Variants in AFG1L observed in about 807,000 individuals in gnomAD.
AFG1L encodes AFG1 like ATPase.
AFG1L carries 53 observed loss-of-function variants against 62.2 expected under a neutral mutation model. The observed-to-expected ratio is 0.85, with a 90% CI of 0.68 to 1.07. The LOEUF is 1.07. Ranked by LOEUF, AFG1L falls within the 50% of genes least tolerant of loss-of-function variation. The pLI is 0.00. For missense variants in AFG1L, 555 were observed against 590.5 expected (o/e 0.94, Z 0.62); for synonymous variants, 228 against 210.3 (o/e 1.08, Z -0.73).
At chr6:108,484,780 G>T (rs1411355125) in intron 10 of AFG1L, among the ~76,000 whole-genome samples, 1 of 152,130 alleles carries the variant, frequency 6.6e-6, no homozygotes, top group East Asian at 1.9e-4. Flanking sequence ...CTTCTTATAT[G>T]AATTTATTTT....
intron 5 of AFG1L, among the ~76,000 whole-genome samples, chr6:108,357,075 G>A (rs769036580): frequency 1.3e-5 from 2 of 151,744 alleles, no homozygotes; most frequent in South Asian, 2.1e-4. Flanking sequence ...ACACATGCAC[G>A]TGCACACACA....
chr6:108,423,949 T>C (rs975080628), intron 7 of AFG1L, among the ~76,000 whole-genome samples: 1 of 152,138 alleles, frequency 6.6e-6, no homozygotes, highest in Non-Finnish European at 1.5e-5. Context: ...AACTCTGACA[T>C]ACTGTTTAAA....
chr6:108,436,039 T>C (rs545695773), intron 7 of AFG1L, among the ~76,000 whole-genome samples: 5 of 152,310 alleles, frequency 3.3e-5, no homozygotes, highest in Admixed American at 3.3e-4. Context: ...CAAATCTGTC[T>C]CTACAATCTC....
intron 6 of AFG1L, among the ~76,000 whole-genome samples, chr6:108,366,806 A>G (rs1752101382): frequency 6.6e-6 from 1 of 152,224 alleles, no homozygotes; most frequent in African/African-American, 2.4e-5. Context: ...AAAAATTAAA[A>G]TACAAGTAAT....
chr6:108,412,246 C>T (rs1782152261), intron 7 of AFG1L, among the ~76,000 whole-genome samples: 1 of 152,118 alleles, frequency 6.6e-6, no homozygotes, highest in Non-Finnish European at 1.5e-5. Context: ...ACAAAGCCTC[C>T]AAGAAATATG....
At chr6:108,446,919 A>C (rs751989706) in intron 7 of AFG1L, among the ~76,000 whole-genome samples, 1 of 152,178 alleles carries the variant, frequency 6.6e-6, no homozygotes, top group Non-Finnish European at 1.5e-5. Flanking sequence ...TATTTTAAAA[A>C]AAACCCAGAT....
At chr6:108,503,595 G>A (rs1774288222) in intron 10 of AFG1L, among the ~76,000 whole-genome samples, 1 of 152,202 alleles carries the variant, frequency 6.6e-6, no homozygotes, top group Admixed American at 6.5e-5. Flanking sequence ...CACAGGCAGA[G>A]TAGATTTAGC....
chr6:108,399,201 T>G (rs1582517458), intron 6 of AFG1L, among the ~76,000 whole-genome samples: 1 of 138,086 alleles, frequency 7.2e-6, no homozygotes, highest in South Asian at 2.4e-4. Context: ...TTTTTTTTTT[T>G]TTTTTGAGAC....
chr6:108,364,367 A>G (rs1303322847), intron 5 of AFG1L, among the ~76,000 whole-genome samples: 1 of 152,254 alleles, frequency 6.6e-6, no homozygotes, highest in Admixed American at 6.5e-5. Context: ...ATATAAAAAC[A>G]GCAAATTATA....
intron 6 of AFG1L, among the ~76,000 whole-genome samples, chr6:108,395,406 T>C (rs1326649745): frequency 6.9e-6 from 1 of 145,982 alleles, no homozygotes; most frequent in South Asian, 2.2e-4. Context: ...TTCTTTTCTT[T>C]TTTTTTTTTT....
intron 8 of AFG1L, among the ~76,000 whole-genome samples, chr6:108,460,974 CAACAACAAT>C (rs1360193757): frequency 2.6e-5 from 4 of 152,170 alleles, no homozygotes; most frequent in African/African-American, 9.6e-5. Context: ...ACAACAACAA[CAACAACAAT>C]GACAACAACA....
At chr6:108,361,282 C>T (rs889271214) in intron 5 of AFG1L, among the ~76,000 whole-genome samples, 31 of 152,166 alleles carry the variant, frequency 2.0e-4, no homozygotes, top group African/African-American at 5.8e-4. Context: ...CCTGGCCTGG[C>T]GCAGACCCTG....
intron 1 of AFG1L, among the ~76,000 whole-genome samples, chr6:108,302,418 T>C (rs1441646556): frequency 6.6e-6 from 1 of 152,146 alleles, no homozygotes; most frequent in African/African-American, 2.4e-5. Context: ...GCTTTTAAAA[T>C]TGACTTTGAT....
intron 1 of AFG1L, among the ~76,000 whole-genome samples, chr6:108,304,652 A>G (rs1267593914): frequency 6.6e-6 from 1 of 152,186 alleles, no homozygotes; most frequent in African/African-American, 2.4e-5. Context: ...GCTTTTACTG[A>G]TTGTGCATTT....
chr6:108,385,705 G>A (rs1780734200), intron 6 of AFG1L, among the ~76,000 whole-genome samples: 2 of 152,164 alleles, frequency 1.3e-5, no homozygotes, highest in Admixed American at 6.5e-5. Flanking sequence ...TCTGCATGGA[G>A]GAGTGATGAT....
chr6:108,355,252 A>T (rs1779227319), intron 3 of AFG1L, among the ~76,000 whole-genome samples: 1 of 151,664 alleles, frequency 6.6e-6, no homozygotes, highest in Non-Finnish European at 1.5e-5. Context: ...CTTATTTTTC[A>T]TTTTTGAATT....
At chr6:108,502,526 G>C (rs370492706) in intron 10 of AFG1L, among the ~76,000 whole-genome samples, 6 of 151,998 alleles carry the variant, frequency 3.9e-5, no homozygotes, top group African/African-American at 1.5e-4. Flanking sequence ...TTTTAGTAGA[G>C]ACAGGGTTTC....
intron 2 of AFG1L, among the ~76,000 whole-genome samples, chr6:108,335,117 C>T (rs9398168): frequency 0.35 from 53,171 of 151,714 alleles, 11,261 homozygotes; most frequent in East Asian, 0.63. Context: ...CCTCAGCCTC[C>T]GAAGCAGCTG....
chr6:108,319,820 G>C, intron 1 of AFG1L: 1 of 428,246 alleles, frequency 2.3e-6, no homozygotes, highest in Non-Finnish European at 4.7e-6. Context: ...TTTATTTTGA[G>C]ACATAAGTAA....
Sources: allele counts gnomAD v4.1 joint callset (sites outside exome capture counted in the v4.1 genomes callset), GRCh38; gene constraint gnomAD v4.1.1; transcripts MANE v1.5; gene names NCBI Gene and HGNC (gene_info 2026-07-23, HGNC 2026-07-21).